Variants in PTGER3 observed in about 807,000 individuals in gnomAD.
PTGER3 encodes prostaglandin E receptor 3.
A neutral mutation model predicts 34.7 loss-of-function variants in PTGER3; 22 were observed. The observed-to-expected ratio is 0.63, with a 90% CI of 0.45 to 0.91. The LOEUF is 0.91. PTGER3 is among the 40% of genes least tolerant of loss of function. The pLI is 0.00. For missense variants in PTGER3, 468 were observed against 519.4 expected (o/e 0.90, Z 0.96); for synonymous variants, 241 against 230.1 (o/e 1.05, Z -0.43).
chr1:70,952,652 T>A, exon 4 of PTGER3: 1 of 1,093,492 alleles, frequency 9.1e-7, no homozygotes, highest in Admixed American at 4.9e-5. Flanking sequence ...AGCAGCAGTC[T>A]TGGCAATTCT....
chr1:70,970,714 A>G, downstream of PTGER3: 1 of 341,132 alleles, frequency 2.9e-6, no homozygotes, highest in Non-Finnish European at 4.1e-6. Context: ...CAAGAAGAAG[A>G]AAAGCTGATT....
chr1:71,015,082 C>A (rs1221536386), intron 1 of PTGER3, among the ~76,000 whole-genome samples: 4 of 152,086 alleles, frequency 2.6e-5, no homozygotes, highest in Non-Finnish European at 5.9e-5. Flanking sequence ...TTTATTCTTT[C>A]TTTTTTCTAC....
intron 4 of PTGER3, among the ~76,000 whole-genome samples, chr1:70,899,131 C>T (rs1386503660): frequency 1.3e-5 from 2 of 152,176 alleles, no homozygotes; most frequent in East Asian, 3.9e-4. Context: ...TAGAATCTGT[C>T]TCAGGAACAG....
chr1:71,015,409 G>C (rs904170103), intron 1 of PTGER3, among the ~76,000 whole-genome samples: 3 of 152,208 alleles, frequency 2.0e-5, no homozygotes, highest in African/African-American at 7.2e-5. Flanking sequence ...ATTGAACAAA[G>C]TATCGACATA....
intron 2 of PTGER3, among the ~76,000 whole-genome samples, chr1:71,005,227 C>T (rs141465575): frequency 5.0e-4 from 76 of 152,256 alleles, no homozygotes; most frequent in African/African-American, 1.8e-3. Context: ...TGCCCTAAAG[C>T]CATGCCACTT....
chr1:70,932,591 A>G (rs1326952504), intron 4 of PTGER3, among the ~76,000 whole-genome samples: 1 of 152,184 alleles, frequency 6.6e-6, no homozygotes, highest in Admixed American at 6.5e-5. Flanking sequence ...GAAGATGAGA[A>G]AGCAAAAACC....
chr1:71,010,140 T>A, intron 2 of PTGER3: 1 of 985,252 alleles, frequency 1.0e-6, no homozygotes, highest in Non-Finnish European at 1.2e-6. Flanking sequence ...GTTTTTTGCC[T>A]TTCTGTATTT....
chr1:70,968,725 A>G (rs1254603105), downstream of PTGER3, among the ~76,000 whole-genome samples: 1 of 151,512 alleles, frequency 6.6e-6, no homozygotes, highest in East Asian at 1.9e-4. Flanking sequence ...TAAGTATCAT[A>G]TATATATATA....
intron 4 of PTGER3, among the ~76,000 whole-genome samples, chr1:70,869,772 G>A (rs565824282): frequency 3.3e-5 from 5 of 152,306 alleles, no homozygotes; most frequent in South Asian, 4.1e-4. Context: ...GTGGTGCAAG[G>A]TGTGAGCTCC....
intron 4 of PTGER3, among the ~76,000 whole-genome samples, chr1:70,915,212 T>C (rs1647148186): frequency 6.6e-6 from 1 of 151,968 alleles, no homozygotes; most frequent in Non-Finnish European, 1.5e-5. Context: ...TTAGATTTTT[T>C]TAAATTGTCA....
intron 4 of PTGER3, among the ~76,000 whole-genome samples, chr1:70,930,961 C>A (rs1024641866): frequency 1.3e-5 from 2 of 152,148 alleles, no homozygotes; most frequent in African/African-American, 4.8e-5. Context: ...AGTCCACAGT[C>A]CAAAGTCTCA....
intron 2 of PTGER3, among the ~76,000 whole-genome samples, chr1:70,992,017 T>G (rs920406258): frequency 2.1e-4 from 32 of 152,158 alleles, no homozygotes; most frequent in Admixed American, 1.9e-3. Context: ...TCTAAAAGCT[T>G]TACACATTTT....
chr1:70,954,719 G>A (rs570426470), intron 2 of PTGER3, among the ~76,000 whole-genome samples: 1 of 151,822 alleles, frequency 6.6e-6, no homozygotes, highest in South Asian at 2.1e-4. Context: ...AATTCAATAG[G>A]GTCTCTTGAT....
At chr1:70,852,719 C>A (rs1327685251) in exon 5 of PTGER3, 6 of 1,243,456 alleles carry the variant, frequency 4.8e-6, no homozygotes, top group Non-Finnish European at 5.9e-6. Context: ...TGGGGGTGGG[C>A]TTGGGGGAAG....
intron 2 of PTGER3, 199 bp downstream of exon 2, chr1:71,012,106 T>A (rs1247712219): frequency 6.7e-7 from 1 of 1,502,512 alleles, no homozygotes; most frequent in Admixed American, 2.2e-5. Context: ...ATACCAAAAA[T>A]TCCACTTCAA....
At chr1:70,873,650 C>CT (rs749236688) in intron 4 of PTGER3, among the ~76,000 whole-genome samples, 11,084 of 135,486 alleles carry the variant, frequency 0.082, 1,202 homozygotes, top group East Asian at 0.43. Flanking sequence ...ATGTGAGGTG[C>CT]TTTTTTTTTT....
intron 1 of PTGER3, among the ~76,000 whole-genome samples, chr1:71,022,802 C>T (rs1382888738): frequency 6.6e-6 from 1 of 151,642 alleles, no homozygotes; most frequent in Non-Finnish European, 1.5e-5. Flanking sequence ...CTTCTTGCCA[C>T]CAACTTCAGC....
At chr1:71,009,996 G>T (rs1657300918) in intron 2 of PTGER3, 1 of 984,968 alleles carries the variant, frequency 1.0e-6, no homozygotes, top group Non-Finnish European at 1.2e-6. Flanking sequence ...AAACTCATAT[G>T]CCATTTACAT....
chr1:70,948,072 C>A (rs1339870531), downstream of PTGER3, among the ~76,000 whole-genome samples: 1 of 152,066 alleles, frequency 6.6e-6, no homozygotes, highest in Non-Finnish European at 1.5e-5. Context: ...TTAGAAAAAG[C>A]CTGTATCACA....
Sources: gnomAD v4.1 joint callset for allele counts (sites outside exome capture counted in the v4.1 genomes callset) on GRCh38, gnomAD v4.1.1 for gene constraint, MANE v1.5 for transcripts, NCBI Gene and HGNC (gene_info 2026-07-23, HGNC 2026-07-21) for gene names.